SLIT2: variants seen among roughly 807,000 people sequenced by gnomAD.
The protein encoded by SLIT2 is slit guidance ligand 2, also known as slit homolog 2 protein.
A neutral mutation model predicts 185.7 loss-of-function variants in SLIT2; 41 were observed. The observed-to-expected ratio is 0.22, with a 90% CI of 0.17 to 0.29. SLIT2 has a LOEUF of 0.29. Ranked by LOEUF, SLIT2 falls within the 10% of genes least tolerant of loss-of-function variation. The pLI, the probability that SLIT2 is intolerant of heterozygous loss-of-function variation, is 1.00. For missense variants in SLIT2, 1,571 were observed against 1,909.0 expected, an observed-to-expected ratio of 0.82 and a Z score of 3.30; for synonymous variants, 693 against 680.2, an observed-to-expected ratio of 1.02 and a Z score of -0.29.
chr4:20,510,225 T>A (rs1231976427), intron 9 of SLIT2, among the ~76,000 whole-genome samples: 1 of 152,172 alleles, frequency 6.6e-6, no homozygotes, highest in Admixed American at 6.6e-5. Flanking sequence ...TATTATTTCT[T>A]TTGTACAAAG....
intron 18 of SLIT2, among the ~76,000 whole-genome samples, chr4:20,538,800 T>C (rs1035925891): frequency 7.1e-6 from 1 of 141,540 alleles, no homozygotes; most frequent in African/African-American, 2.5e-5. Context: ...AAAAAAAAGG[T>C]ATTTTTTCAT....
intron 6 of SLIT2, among the ~76,000 whole-genome samples, chr4:20,481,931 G>A (rs748579202): frequency 3.3e-5 from 5 of 151,954 alleles, no homozygotes; most frequent in Non-Finnish European, 7.4e-5. Context: ...TCTAACAACA[G>A]GAGAGGCCAC....
chr4:20,497,450 C>G (rs551606044), intron 9 of SLIT2, among the ~76,000 whole-genome samples: 1 of 152,092 alleles, frequency 6.6e-6, no homozygotes, highest in Admixed American at 6.5e-5. Flanking sequence ...TTTTCAAAAT[C>G]ATGAAGAGAG....
At chr4:20,319,495 A>G (rs1281402904) in intron 4 of SLIT2, among the ~76,000 whole-genome samples, 2 of 152,182 alleles carry the variant, frequency 1.3e-5, no homozygotes, top group African/African-American at 4.8e-5. Context: ...TGGATGCATC[A>G]TATTGATTTT....
intron 22 of SLIT2, among the ~76,000 whole-genome samples, chr4:20,547,212 G>A (rs557320245): frequency 6.6e-6 from 1 of 152,088 alleles, no homozygotes; most frequent in Non-Finnish European, 1.5e-5. Context: ...TCTGCTTCTA[G>A]TTATTTATTT....
chr4:20,275,032 TATATC>T (rs1427564728), intron 4 of SLIT2, among the ~76,000 whole-genome samples: 1 of 152,124 alleles, frequency 6.6e-6, no homozygotes, highest in African/African-American at 2.4e-5. Context: ...ATGTAAAAAA[TATATC>T]GTATACACAT....
intron 4 of SLIT2, among the ~76,000 whole-genome samples, chr4:20,307,920 A>G (rs990612239): frequency 6.6e-6 from 1 of 152,178 alleles, no homozygotes; most frequent in Non-Finnish European, 1.5e-5. Context: ...TTTTCACAAC[A>G]CAGCAGCTAT....
intron 8 of SLIT2, chr4:20,490,765 C>G (rs1339324731): frequency 6.9e-7 from 1 of 1,454,896 alleles, no homozygotes; most frequent in Non-Finnish European, 9.3e-7. Flanking sequence ...TTACTAACCA[C>G]TTTTTTCTCT....
intron 29 of SLIT2, among the ~76,000 whole-genome samples, chr4:20,571,989 C>T (rs894390566): frequency 6.6e-5 from 10 of 152,124 alleles, no homozygotes; most frequent in Non-Finnish European, 1.0e-4. Flanking sequence ...GAACAGACTA[C>T]AAAACGTGAC....
In SLIT2 at chr4:20,254,887, T is replaced by G; in HGVS notation, c.179+893T>G. 1 of 455,908 alleles carries G rather than the reference T, an allele frequency of 2.2e-6. No individual in the cohort carries two copies. Among genetic ancestry groups the G allele is most frequent in the South Asian group, 1.5e-5 (1 of 64,548 alleles). The allele number at this position is 455,908 out of a possible 1,614,324, so 28.2% of individuals were successfully genotyped here. A position where few individuals can be genotyped will look rare whatever the true frequency, so the allele number is the denominator to read the frequency against. On this transcript the variant is annotated intron_variant, in intron 1 of 36. Coordinates refer to ENST00000504154, the MANE Select transcript of SLIT2 (RefSeq NM_004787.4). The surrounding 1 kb of genome is among the most constrained non-coding windows in gnomAD (Gnocchi z 5.1). ...TTCCCCTGCCTTCCCCTCTTCGCGC[T>G]CCGTTGCTCGCAGACGTCCCCGCCT...
rs1729970745 is a variant in SLIT2, at chr4:20,620,115, T to C, written c.*1106T>C. 2.5e-5 allele frequency: 6 copies of C among 236,178 alleles called. No individual in the cohort carries two copies. The Admixed American group carries it at 3.2e-4, about 13-fold the overall frequency. The allele number at this position is 236,178 out of a possible 1,614,324, so 14.6% of individuals were successfully genotyped here. A position where few individuals can be genotyped will look rare whatever the true frequency, so the allele number is the denominator to read the frequency against. On this transcript the variant is annotated 3_prime_UTR_variant, in exon 37 of 37. Coordinates refer to ENST00000504154, the MANE Select transcript of SLIT2 (RefSeq NM_004787.4). ...GAGATGGTCATTGTACAGAAAGAAGTGGCCCCTCTGCAACATGTCCTCACA... is the reference window on the plus strand; with the variant it reads ...GAGATGGTCATTGTACAGAAAGAAGCGGCCCCTCTGCAACATGTCCTCACA...
intron 4 of SLIT2, among the ~76,000 whole-genome samples, chr4:20,347,855 G>A (rs531813607): frequency 1.3e-5 from 2 of 152,312 alleles, no homozygotes; most frequent in East Asian, 3.9e-4. Flanking sequence ...CTTGGCTCTA[G>A]CATCTTTTTA....
intron 4 of SLIT2, among the ~76,000 whole-genome samples, chr4:20,438,505 C>T (rs2076484211): frequency 6.6e-6 from 1 of 152,110 alleles, no homozygotes; most frequent in South Asian, 2.1e-4. Flanking sequence ...TCCCATGATT[C>T]AATCATCTCC....
At chr4:20,553,727 T>C (rs767185244) in intron 25 of SLIT2, 78 bp from the exon 26 acceptor site, 91 of 1,234,932 alleles carry the variant, frequency 7.4e-5, no homozygotes, top group Non-Finnish European at 9.5e-5. Flanking sequence ...ATAACAATAC[T>C]TCCATACTTG....
intron 29 of SLIT2, among the ~76,000 whole-genome samples, chr4:20,583,178 C>T (rs923855382): frequency 2.6e-5 from 4 of 152,212 alleles, no homozygotes; most frequent in Admixed American, 2.0e-4. Context: ...TCTCCTCCTC[C>T]TCTCATACAT....
Position 20,253,975 on chromosome 4 carries a change from C to T in SLIT2, c.160C>T (p.Pro54Ser). Reference protein sequence around the residue: ...LALRSVPRNIPRNTERLDLNG... With the variant: ...LALRSVPRNISRNTERLDLNG... ...GCTGCGCAGCGTGCCCAGGAATATC[C>T]CCCGCAACACCGAGAGACTGTGAGT... The change falls in exon 1 of 37, where the codon CCC becomes TCC. Residue 54 changes from proline to serine, a missense_variant. Transcript: ENST00000504154. 6.2e-7 allele frequency: 1 copy of T among 1,602,980 alleles called. No homozygotes were observed. The highest frequency in any genetic ancestry group is 8.5e-7 in the Non-Finnish European group (1 of 1,179,604).
At chr4:20,501,414 T>A (rs3775808) in intron 9 of SLIT2, among the ~76,000 whole-genome samples, 6,977 of 152,226 alleles carry the variant, frequency 0.046, 203 homozygotes, top group East Asian at 0.069. Context: ...GCCTCCCATG[T>A]AGCTGGGACT....
At chr4:20,266,623 G>T (rs958780796) in intron 3 of SLIT2, among the ~76,000 whole-genome samples, 1 of 151,936 alleles carries the variant, frequency 6.6e-6, no homozygotes, top group African/African-American at 2.4e-5. Context: ...CTGAGAGCAG[G>T]CTGCTCTCTT....
intron 4 of SLIT2, among the ~76,000 whole-genome samples, chr4:20,297,423 C>A (rs772210707): frequency 3.3e-5 from 5 of 152,130 alleles, no homozygotes; most frequent in African/African-American, 1.2e-4. Context: ...GGTTTTCCCC[C>A]CTTCCACTTG....
Sources: allele counts gnomAD v4.1 joint callset (sites outside exome capture counted in the v4.1 genomes callset), GRCh38; gene constraint gnomAD v4.1.1; non-coding constraint Gnocchi (gnomAD v3.1); transcripts MANE v1.5; gene names NCBI Gene and HGNC (gene_info 2026-07-23, HGNC 2026-07-21).